The following SMAD3 variants were observed in gnomAD, a reference collection of about 807,000 sequenced individuals.
The protein encoded by SMAD3 is SMAD family member 3.
A neutral mutation model predicts 51.8 loss-of-function variants in SMAD3; 12 were observed. That is an observed-to-expected ratio of 0.23 (90% CI 0.15 to 0.38). SMAD3 has a LOEUF of 0.38. Among genes scored for constraint, SMAD3 ranks in the 10% least tolerant of loss-of-function variants. SMAD3 has a pLI of 1.00. For synonymous variants in SMAD3, 238 were observed against 227.7 expected (o/e 1.05, Z -0.41); for missense variants, 294 against 565.6 (o/e 0.52, Z 4.87).
chr15:67,121,929 T>C (rs1419498827), intron 1 of SMAD3, among the ~76,000 whole-genome samples: 1 of 152,236 alleles, frequency 6.6e-6, no homozygotes, highest in Non-Finnish European at 1.5e-5. Flanking sequence ...CCGATACCTA[T>C]CCACCACCCT....
At chr15:67,104,941 C>T (rs928002235) in intron 1 of SMAD3, among the ~76,000 whole-genome samples, 2 of 152,258 alleles carry the variant, frequency 1.3e-5, no homozygotes, top group East Asian at 1.9e-4. Context: ...CGTGCAGCTG[C>T]GTGCAGACTT....
chr15:67,093,209 A>G (rs535625936), intron 1 of SMAD3, among the ~76,000 whole-genome samples: 1 of 152,204 alleles, frequency 6.6e-6, no homozygotes, highest in Admixed American at 6.5e-5. Context: ...TCCGGGGCAT[A>G]TCCTTAACCT....
At chr15:67,130,855 C>T (rs1185111850) in intron 1 of SMAD3, among the ~76,000 whole-genome samples, 1 of 150,802 alleles carries the variant, frequency 6.6e-6, no homozygotes, top group Non-Finnish European at 1.5e-5. Context: ...CACTTTTAAC[C>T]CTTCGGTGGA....
intron 1 of SMAD3, among the ~76,000 whole-genome samples, chr15:67,163,553 C>G (rs1019765886): frequency 6.6e-6 from 1 of 152,152 alleles, no homozygotes; most frequent in Non-Finnish European, 1.5e-5. Context: ...TTCCTGTAAG[C>G]CACCCAGACT....
chr15:67,126,073 G>A, intron 1 of SMAD3: 6 of 578,726 alleles, frequency 1.0e-5, no homozygotes, highest in Non-Finnish European at 1.1e-5. Flanking sequence ...CACACTCCCT[G>A]AGTCCTTAGG....
intron 1 of SMAD3, among the ~76,000 whole-genome samples, chr15:67,107,138 G>C (rs923934317): frequency 2.0e-5 from 3 of 149,518 alleles, no homozygotes; most frequent in Non-Finnish European, 3.0e-5. Flanking sequence ...CTCAATAAAT[G>C]TTTACTGAGT....
chr15:67,181,323 A>G lies in SMAD3; in HGVS notation c.741A>G (p.Thr247=), dbSNP rs201614771. The G allele has an allele frequency of 1.2e-6, 2 of 1,614,022 alleles. No homozygotes were observed. The highest frequency in any genetic ancestry group is 1.7e-6 in the Non-Finnish European group (2 of 1,180,008). ...AGCTGAACCAGCGCGTCGGGGAGAC[A>G]TTCCACGCCTCGCAGCCATCCATGA... The part of the protein sequence containing the change: ...YYELNQRVGE[T]FHASQPSMTV... The change falls in exon 6 of 9, where the codon ACA becomes ACG. Residue 247 remains threonine, a synonymous_variant. Transcript: ENST00000327367.
intron 1 of SMAD3, chr15:67,138,556 G>A (rs1029522149): frequency 1.3e-5 from 2 of 153,762 alleles, no homozygotes; most frequent in Non-Finnish European, 2.9e-5. Flanking sequence ...TAAAGGAAAA[G>A]CCCCTGCTCA....
intron 5 of SMAD3, among the ~76,000 whole-genome samples, chr15:67,171,334 C>G (rs1213743041): frequency 6.6e-6 from 1 of 152,172 alleles, no homozygotes; most frequent in Admixed American, 6.5e-5. Context: ...CATGGTTAGA[C>G]TGCTGGGTCA....
At chr15:67,123,389 C>G (rs1380665098) in intron 1 of SMAD3, among the ~76,000 whole-genome samples, 1 of 152,116 alleles carries the variant, frequency 6.6e-6, no homozygotes, top group Admixed American at 6.5e-5. Context: ...ATCCCAGCTA[C>G]TCGGGAGGCT....
chr15:67,171,953 A>C (rs72743477), intron 5 of SMAD3, among the ~76,000 whole-genome samples: 1 of 152,188 alleles, frequency 6.6e-6, no homozygotes, highest in African/African-American at 2.4e-5. Flanking sequence ...TTTATTTTCT[A>C]TGGCATTTAA....
At chr15:67,086,759 CTA>C (rs965592615) in intron 1 of SMAD3, among the ~76,000 whole-genome samples, 1 of 152,140 alleles carries the variant, frequency 6.6e-6, no homozygotes, top group African/African-American at 2.4e-5. Flanking sequence ...TGAAGACCTT[CTA>C]TGTCCTGGCC....
chr15:67,083,679 C>T (rs1595889906), intron 1 of SMAD3, among the ~76,000 whole-genome samples: 1 of 152,166 alleles, frequency 6.6e-6, no homozygotes, highest in East Asian at 1.9e-4. Flanking sequence ...TGCAGTTCTC[C>T]AGAGCTAGGG....
intron 1 of SMAD3, among the ~76,000 whole-genome samples, chr15:67,105,367 G>A (rs1433107450): frequency 5.3e-5 from 8 of 152,146 alleles, no homozygotes; most frequent in East Asian, 1.9e-4. Flanking sequence ...GCACCTCCAC[G>A]GCCACAGTGG....
chr15:67,139,363 T>G (rs914484250), intron 1 of SMAD3, among the ~76,000 whole-genome samples: 2 of 152,186 alleles, frequency 1.3e-5, no homozygotes, highest in African/African-American at 4.8e-5. Flanking sequence ...CCCCACTGTG[T>G]CTGCTCTTGC....
At chr15:67,180,339 G>A (rs914471748) in intron 5 of SMAD3, among the ~76,000 whole-genome samples, 7 of 152,000 alleles carry the variant, frequency 4.6e-5, no homozygotes, top group Non-Finnish European at 8.8e-5. Context: ...AGAGGAGGGC[G>A]AGGAGGCCCC....
intron 1 of SMAD3, among the ~76,000 whole-genome samples, chr15:67,096,787 G>A (rs1203101364): frequency 1.3e-5 from 2 of 152,190 alleles, no homozygotes; most frequent in Non-Finnish European, 2.9e-5. Flanking sequence ...TCCCTGGTCT[G>A]CTCACATTGT....
At chr15:67,175,073 A>G (rs1049147551) in intron 5 of SMAD3, among the ~76,000 whole-genome samples, 1 of 152,164 alleles carries the variant, frequency 6.6e-6, no homozygotes, top group Non-Finnish European at 1.5e-5. Flanking sequence ...AGTCACCGGG[A>G]ATTTCCTAGG....
chr15:67,176,297 A>G (rs1962891996), intron 5 of SMAD3, among the ~76,000 whole-genome samples: 1 of 151,912 alleles, frequency 6.6e-6, no homozygotes, highest in Non-Finnish European at 1.5e-5. Flanking sequence ...CCTGCAGAGG[A>G]GGGGGATGGG....
Sources: gnomAD v4.1 joint callset for allele counts (sites outside exome capture counted in the v4.1 genomes callset) on GRCh38, gnomAD v4.1.1 for gene constraint, MANE v1.5 for transcripts, NCBI Gene and HGNC (gene_info 2026-07-23, HGNC 2026-07-21) for gene names.